Variants in CENPI observed in about 807,000 individuals in gnomAD.
CENPI encodes FSH primary response 1.
A neutral mutation model predicts 60.4 loss-of-function variants in CENPI; 4 were observed. That is an observed-to-expected ratio of 0.07 (90% CI 0.03 to 0.15). The LOEUF (loss-of-function observed/expected upper bound fraction) is 0.15, where lower values mean the gene tolerates loss of function less well. Ranked by LOEUF, CENPI falls within the 10% of genes least tolerant of loss-of-function variation. The pLI, the probability that CENPI is intolerant of heterozygous loss-of-function variation, is 1.00. For synonymous variants in CENPI, 157 were observed against 189.4 expected (o/e 0.83, Z 1.40); for missense variants, 444 against 534.5 (o/e 0.83, Z 1.67).
intron 6 of CENPI, among the ~76,000 whole-genome samples, chrX:101,114,026 G>A (rs113091976): frequency 0.13 from 14,655 of 111,543 alleles, 694 homozygotes; most frequent in Middle Eastern, 0.24. Flanking sequence ...GGAGGCCGAG[G>A]GGGGCAGATC....
chrX:101,172,329 C>T, the CENPI span, among the ~76,000 whole-genome samples: 1 of 111,649 alleles, frequency 9.0e-6, no homozygotes, highest in Non-Finnish European at 1.9e-5. Flanking sequence ...GAAAATATGT[C>T]TTCACAAAAG....
chrX:101,173,720 AAC>A, the CENPI span, among the ~76,000 whole-genome samples: 1 of 110,593 alleles, frequency 9.0e-6, no homozygotes, highest in Non-Finnish European at 1.9e-5. Flanking sequence ...AATTACTGAA[AAC>A]ACAACCTCCC....
the CENPI span, among the ~76,000 whole-genome samples, chrX:101,180,625 G>A: frequency 0.24 from 26,680 of 111,267 alleles, 2,304 homozygotes; most frequent in South Asian, 0.33. Flanking sequence ...TAATTTTTTT[G>A]TTGATTGTTT....
At chrX:101,166,915 A>G (rs2090145889), downstream of CENPI, among the ~76,000 whole-genome samples, 1 of 111,885 alleles carries the variant, frequency 8.9e-6, no homozygotes, top group African/African-American at 3.2e-5. Flanking sequence ...ACATGCCACC[A>G]CACCCAGCTA....
At chrX:101,144,953 A>C (rs2089950268) in intron 16 of CENPI, 111 bp from the exon 17 acceptor site, 7 of 609,406 alleles carry the variant, frequency 1.1e-5, no homozygotes, top group Non-Finnish European at 1.8e-5. Flanking sequence ...TGGAGCACTG[A>C]TAGTTTTTAA....
Position 101,148,140 on chromosome X carries a change from C to T in CENPI, c.2073C>T (p.Tyr691=), listed in dbSNP as rs759805608. 8.4e-6 allele frequency: 10 copies of T among 1,195,758 alleles called. No individual in the cohort carries two copies. The highest frequency in any genetic ancestry group is 3.0e-5 in the East Asian group (1 of 33,681). ...NVVHHPSFLS[Y]AVSFLLQESP... ...TCCATCATCCTTCTTTCTTGAGTTA[C>T]GCTGTTTCCTTTTTGCTACAGGTAA... The change falls in exon 20 of 22, where the codon TAC becomes TAT. Residue 691 remains tyrosine, a synonymous_variant. Coordinates refer to ENST00000682095, the MANE Select transcript of CENPI (RefSeq NM_001386188.2).
intron 2 of CENPI, 128 bp from the exon 3 acceptor site, chrX:101,100,930 A>G: frequency 4.6e-6 from 2 of 435,376 alleles, no homozygotes; most frequent in African/African-American, 2.4e-5. Context: ...ATTGTTGTCA[A>G]CTTATTTATT....
At chrX:101,153,322 G>A (rs188104567) in intron 20 of CENPI, among the ~76,000 whole-genome samples, 9 of 103,090 alleles carry the variant, frequency 8.7e-5, no homozygotes, top group Non-Finnish European at 1.4e-4. Flanking sequence ...TGAGACGGTC[G>A]TTCTGTAGCT....
intron 6 of CENPI, among the ~76,000 whole-genome samples, chrX:101,110,650 G>A (rs1481932158): frequency 8.9e-6 from 1 of 111,848 alleles, no homozygotes; most frequent in Non-Finnish European, 1.9e-5. Context: ...TTTTAAAAAT[G>A]ATGTTTCCAG....
chrX:101,158,435 G>A (rs373493675), intron 20 of CENPI, among the ~76,000 whole-genome samples: 1 of 108,462 alleles, frequency 9.2e-6, no homozygotes, highest in African/African-American at 3.4e-5. Flanking sequence ...GTACCACCAC[G>A]CCTGGCTAAT....
chrX:101,168,035 A>G (rs919248276), downstream of CENPI, among the ~76,000 whole-genome samples: 2 of 112,488 alleles, frequency 1.8e-5, no homozygotes, highest in Admixed American at 9.5e-5. Context: ...CTATAGAGGA[A>G]GACCAGCCAG....
chrX:101,140,800 T>C, intron 16 of CENPI, 40 bp downstream of exon 16: 1 of 946,452 alleles, frequency 1.1e-6, no homozygotes, highest in Middle Eastern at 2.6e-4. Flanking sequence ...ACGATCTGTA[T>C]ACAAATGTTT....
Position 101,162,765 on chromosome X carries a change from G to C in CENPI, c.2137-68G>C, listed in dbSNP as rs747697410. 54 of 1,129,006 alleles carry C rather than the reference G, an allele frequency of 4.8e-5. No homozygotes were observed. The South Asian group carries it at 6.5e-4, about 14-fold the overall frequency. The allele number at this position is 1,129,006 out of a possible 1,213,427, so 93.0% of individuals were successfully genotyped here. A position where few individuals can be genotyped will look rare whatever the true frequency, so the allele number is the denominator to read the frequency against. ...ATGCTGCAAACTCTTCCTAGGGAAA[G>C]AGGAGGAAATAGAGAAAAAGCATAG... is the stretch of plus-strand genomic sequence containing the variant. On this transcript the variant is annotated intron_variant, in intron 21 of 21. Coordinates refer to ENST00000682095, the MANE Select transcript of CENPI (RefSeq NM_001386188.2).
the CENPI span, among the ~76,000 whole-genome samples, chrX:101,177,452 G>A: frequency 9.0e-6 from 1 of 111,402 alleles, no homozygotes; most frequent in Non-Finnish European, 1.9e-5. Flanking sequence ...GGAAGGCATG[G>A]TAGGTCACAG....
At chrX:101,158,154 T>C (rs2090070586) in intron 20 of CENPI, among the ~76,000 whole-genome samples, 1 of 112,021 alleles carries the variant, frequency 8.9e-6, no homozygotes, top group South Asian at 3.7e-4. Flanking sequence ...TATGGTTGAA[T>C]AATATCCCAT....
chrX:101,111,557 G>A, intron 6 of CENPI, among the ~76,000 whole-genome samples: 1 of 110,610 alleles, frequency 9.0e-6, no homozygotes, highest in Middle Eastern at 4.6e-3. Flanking sequence ...TTCACTTAAT[G>A]TCAAATGAAG....
chrX:101,127,005 A>G, intron 9 of CENPI, 133 bp from the exon 10 acceptor site: 1 of 622,953 alleles, frequency 1.6e-6, no homozygotes, highest in Non-Finnish European at 2.4e-6. Flanking sequence ...ATCAGAAAAA[A>G]AAATACTTTA....
chrX:101,127,760 A>AG (rs1267420099), intron 11 of CENPI, 95 bp downstream of exon 11: 1 of 720,963 alleles, frequency 1.4e-6, no homozygotes, highest in African/African-American at 2.2e-5. Flanking sequence ...TTTTTGAGAT[A>AG]GGGTCTTACC....
At chrX:101,132,733 A>G (rs1310925684) in intron 15 of CENPI, among the ~76,000 whole-genome samples, 1 of 111,652 alleles carries the variant, frequency 9.0e-6, no homozygotes, top group Non-Finnish European at 1.9e-5. Flanking sequence ...AAACAAACTG[A>G]GAAATACTTA....
Sources: gnomAD v4.1 joint callset for allele counts (sites outside exome capture counted in the v4.1 genomes callset) on GRCh38, gnomAD v4.1.1 for gene constraint, MANE v1.5 for transcripts, NCBI Gene and HGNC (gene_info 2026-07-23, HGNC 2026-07-21) for gene names.